The following CNTN4 variants were observed in gnomAD, a reference collection of about 807,000 sequenced individuals.
The protein encoded by CNTN4 is contactin-4.
In CNTN4, 77 loss-of-function variants were observed where a neutral mutation model predicts 122.5. The ratio of observed to expected loss-of-function variants is 0.63; its 90% CI spans 0.52 to 0.76. The LOEUF is 0.76. CNTN4 is among the 30% of genes least tolerant of loss of function. The pLI is 0.00. For missense variants in CNTN4, 1,256 were observed against 1,259.1 expected (o/e 1.00, Z 0.04); for synonymous variants, 512 against 447.0 (o/e 1.15, Z -1.83).
Position 2,819,592 on chromosome 3 carries a change from A to G in CNTN4, c.454+11A>G. 1.3e-6 allele frequency: 2 copies of G among 1,562,950 alleles called. No homozygotes were observed. The highest frequency in any genetic ancestry group is 1.8e-6 in the Non-Finnish European group (2 of 1,133,258). On this transcript the variant is annotated intron_variant, in intron 7 of 24. Coordinates refer to ENST00000418658, the MANE Select transcript of CNTN4 (RefSeq NM_175607.3). ...CACCCCATTCTGGAGGTACATATAA[A>G]TGAACTGACATATGCATGCTTCACT...
At chr3:2,254,477 C>T (rs1024675376) in intron 2 of CNTN4, among the ~76,000 whole-genome samples, 1 of 152,204 alleles carries the variant, frequency 6.6e-6, no homozygotes, top group African/African-American at 2.4e-5. Context: ...CTGTCTTCCA[C>T]AGTGGTTGAA....
intron 5 of CNTN4, among the ~76,000 whole-genome samples, chr3:2,743,089 C>T (rs1163315380): frequency 6.6e-6 from 1 of 152,192 alleles, no homozygotes. Context: ...GAGGAGCTCT[C>T]ATTATGCCCA....
At chr3:2,649,754 A>G (rs1439490319) in intron 4 of CNTN4, among the ~76,000 whole-genome samples, 2 of 152,054 alleles carry the variant, frequency 1.3e-5, no homozygotes, top group Non-Finnish European at 2.9e-5. Context: ...TATAGCTGCC[A>G]TACATAGTGA....
At chr3:2,170,453 A>G (rs1356419727) in intron 2 of CNTN4, among the ~76,000 whole-genome samples, 1 of 152,222 alleles carries the variant, frequency 6.6e-6, no homozygotes, top group Non-Finnish European at 1.5e-5. Context: ...AGTACCATTC[A>G]CTATATGATA....
chr3:2,786,641 T>G (rs1302946199), intron 6 of CNTN4, among the ~76,000 whole-genome samples: 1 of 152,258 alleles, frequency 6.6e-6, no homozygotes, highest in East Asian at 1.9e-4. Flanking sequence ...TGTTGGTAAC[T>G]ATCAAAACCC....
chr3:2,310,072 C>T (rs1292263016), intron 2 of CNTN4, among the ~76,000 whole-genome samples: 1 of 152,028 alleles, frequency 6.6e-6, no homozygotes, highest in African/African-American at 2.4e-5. Flanking sequence ...TATCAGACTC[C>T]AATCAAATAC....
chr3:2,685,465 C>G (rs1009168464), intron 4 of CNTN4, among the ~76,000 whole-genome samples: 1 of 152,162 alleles, frequency 6.6e-6, no homozygotes, highest in Non-Finnish European at 1.5e-5. Context: ...GGAGCTAGCA[C>G]TGTCCCATAC....
chr3:2,532,714 AAG>A (rs1302465262), intron 3 of CNTN4, among the ~76,000 whole-genome samples: 4 of 152,314 alleles, frequency 2.6e-5, no homozygotes, highest in South Asian at 2.1e-4. Flanking sequence ...ATTTAAAAAC[AAG>A]AGTTGTTTAC....
At chr3:2,473,279 T>C (rs1430171170) in intron 3 of CNTN4, among the ~76,000 whole-genome samples, 1 of 151,526 alleles carries the variant, frequency 6.6e-6, no homozygotes. Flanking sequence ...TCTCCTGCTG[T>C]ACTACGATAG....
Position 2,744,702 on chromosome 3 carries a change from T to C in CNTN4, c.183-820T>C, listed in dbSNP as rs941068484. On this transcript the variant is annotated intron_variant, in intron 5 of 24. Coordinates refer to ENST00000418658, the MANE Select transcript of CNTN4 (RefSeq NM_175607.3). Reference sequence around the variant, plus strand: ...TTGGTCAAGAGAAGCTCTCACTCTTTGGAATGGTATTGGTTGTAAAATGAA... The same window carrying C: ...TTGGTCAAGAGAAGCTCTCACTCTTCGGAATGGTATTGGTTGTAAAATGAA... Among the ~76,000 whole-genome samples the C allele has an allele frequency of 3.3e-5, 5 of 152,336 alleles. No homozygotes were observed. In the South Asian group the frequency reaches 1.0e-3, roughly 32 times the overall value.
chr3:2,917,291 C>A (rs957992789), intron 12 of CNTN4, among the ~76,000 whole-genome samples: 3 of 149,362 alleles, frequency 2.0e-5, no homozygotes, highest in Non-Finnish European at 2.9e-5. Flanking sequence ...CCGTGGAAAG[C>A]GGGAGGCGGA....
intron 4 of CNTN4, among the ~76,000 whole-genome samples, chr3:2,598,214 T>C (rs2080863394): frequency 2.0e-5 from 3 of 152,164 alleles, no homozygotes; most frequent in African/African-American, 4.8e-5. Context: ...CTTGCTGTGG[T>C]ACCGAACAAC....
intron 2 of CNTN4, among the ~76,000 whole-genome samples, chr3:2,330,902 G>A (rs1277684908): frequency 1.3e-5 from 2 of 152,044 alleles, no homozygotes; most frequent in Non-Finnish European, 2.9e-5. Context: ...GCACCTCTAG[G>A]AAAAATCAAA....
chr3:2,744,258 A>G (rs1456553997), intron 5 of CNTN4, among the ~76,000 whole-genome samples: 1 of 152,236 alleles, frequency 6.6e-6, no homozygotes, highest in East Asian at 1.9e-4. Flanking sequence ...GATACCAGAC[A>G]TCCAAAATCT....
In CNTN4 at chr3:3,056,133, AGGATCT is replaced by A; in HGVS notation, c.2997_3002del (p.Ser1000_Gly1001del). The A allele has an allele frequency of 6.2e-7, 1 of 1,613,940 alleles. No homozygotes were observed. The highest frequency in any genetic ancestry group is 8.5e-7 in the Non-Finnish European group (1 of 1,179,842). On this transcript the variant is annotated inframe_deletion, in exon 25 of 25. Coordinates refer to ENST00000418658, the MANE Select transcript of CNTN4 (RefSeq NM_175607.3). ...CTCTCTTTTCAGATGCCTACGCGAG[AGGATCT>A]GGGGCTTCCACTTCGAATGCATGTA... is the stretch of plus-strand genomic sequence containing the variant.
At chr3:2,705,688 T>G (rs1473980350) in intron 4 of CNTN4, among the ~76,000 whole-genome samples, 1 of 93,352 alleles carries the variant, frequency 1.1e-5, no homozygotes, top group Non-Finnish European at 1.8e-5. Flanking sequence ...ATATTATATA[T>G]AAATAAATAT....
intron 3 of CNTN4, among the ~76,000 whole-genome samples, chr3:2,477,979 T>A (rs1161108710): frequency 6.6e-6 from 1 of 152,198 alleles, no homozygotes; most frequent in Non-Finnish European, 1.5e-5. Flanking sequence ...AAATAGTCAC[T>A]TGGGCATTGA....
At chr3:2,897,601 G>T (rs550749865) in intron 10 of CNTN4, among the ~76,000 whole-genome samples, 1 of 152,042 alleles carries the variant, frequency 6.6e-6, no homozygotes, top group East Asian at 1.9e-4. Flanking sequence ...GGAATATTTC[G>T]ACCCAAGCCT....
chr3:2,271,400 C>G (rs2041290771), intron 2 of CNTN4, among the ~76,000 whole-genome samples: 1 of 152,132 alleles, frequency 6.6e-6, no homozygotes, highest in Non-Finnish European at 1.5e-5. Flanking sequence ...AAGATAATTA[C>G]ATGGATTCAA....
Sources: gnomAD v4.1 joint callset for allele counts (sites outside exome capture counted in the v4.1 genomes callset) on GRCh38, gnomAD v4.1.1 for gene constraint, MANE v1.5 for transcripts, NCBI Gene and HGNC (gene_info 2026-07-23, HGNC 2026-07-21) for gene names.